MAST4: variants seen among roughly 807,000 people sequenced by gnomAD.
MAST4 encodes microtubule associated serine/threonine kinase family member 4.
Under a neutral mutation model 162.7 loss-of-function variants are expected in MAST4, and 89 were observed. The ratio of observed to expected loss-of-function variants is 0.55; its 90% confidence interval spans 0.46 to 0.65. MAST4 has a LOEUF of 0.65. MAST4 is among the 30% of genes least tolerant of loss of function. The probability of loss-of-function intolerance (pLI) is 0.00; values close to 1 mark genes in which losing one functional copy is unlikely to be tolerated. For synonymous variants in MAST4, 1,479 were observed against 1,361.1 expected, an observed-to-expected ratio of 1.09 and a Z score of -1.91; for missense variants, 3,153 against 3,374.0, an observed-to-expected ratio of 0.93 and a Z score of 1.62.
chr5:66,788,530 T>C, intron 2 of MAST4, 140 bp from the exon 3 acceptor site: 1 of 1,113,446 alleles, frequency 9.0e-7, no homozygotes, highest in Non-Finnish European at 1.3e-6. Context: ...CCCAGGTTGC[T>C]ATTAATGTTA....
chr5:66,954,501 T>C (rs1430917225), intron 4 of MAST4, among the ~76,000 whole-genome samples: 8 of 152,108 alleles, frequency 5.3e-5, no homozygotes, highest in African/African-American at 1.7e-4. Context: ...GCACTGGGAT[T>C]AAACAGCTAT....
chr5:66,952,765 C>T (rs781253297), intron 4 of MAST4, among the ~76,000 whole-genome samples: 1 of 152,200 alleles, frequency 6.6e-6, no homozygotes, highest in Non-Finnish European at 1.5e-5. Context: ...GCCTGCAGCA[C>T]TCTTTCCCCG....
At chr5:66,665,975 G>A (rs1043540273) in intron 1 of MAST4, among the ~76,000 whole-genome samples, 5 of 152,308 alleles carry the variant, frequency 3.3e-5, no homozygotes, top group South Asian at 2.1e-4. Context: ...TTGAATGTAC[G>A]TTAGAGCCCC....
intron 4 of MAST4, chr5:67,004,775 G>T: frequency 1.9e-6 from 1 of 519,966 alleles, no homozygotes; most frequent in East Asian, 3.3e-5. Flanking sequence ...TTTGAGAGGA[G>T]GCTGTGTGTT....
Position 66,639,426 on chromosome 5 carries a change from T to C in MAST4, c.363+42408T>C, listed in dbSNP as rs1745341771. 2.0e-5 allele frequency among the ~76,000 whole-genome samples: 3 copies of C among 152,298 alleles called. No homozygotes were observed. In the South Asian group the frequency reaches 6.2e-4, roughly 32 times the overall value. ...ATTTGATTTTTGGAATTAAGTGTTT[T>C]ACATAATTGTAAAGCAAAATTAAGA... On this transcript the variant is annotated intron_variant, in intron 1 of 28. Transcript: ENST00000403625.
chr5:66,969,946 T>C (rs1011192119), intron 4 of MAST4, among the ~76,000 whole-genome samples: 2 of 152,182 alleles, frequency 1.3e-5, no homozygotes, highest in African/African-American at 4.8e-5. Context: ...AGACACCAGT[T>C]CCTGTGCTTT....
At chr5:66,641,486 T>A (rs1561231780) in intron 1 of MAST4, among the ~76,000 whole-genome samples, 1 of 152,210 alleles carries the variant, frequency 6.6e-6, no homozygotes, top group Non-Finnish European at 1.5e-5. Flanking sequence ...TGTATTTTCT[T>A]GTTCCTCCAC....
chr5:67,025,603 G>T (rs1011281307), intron 4 of MAST4, among the ~76,000 whole-genome samples: 1 of 152,110 alleles, frequency 6.6e-6, no homozygotes, highest in African/African-American at 2.4e-5. Flanking sequence ...TCTGGAGTTT[G>T]TTATGAAACT....
chr5:66,732,991 C>T (rs1293218598), intron 1 of MAST4, among the ~76,000 whole-genome samples: 3 of 152,174 alleles, frequency 2.0e-5, no homozygotes, highest in Non-Finnish European at 4.4e-5. Context: ...CCTCCTTTTT[C>T]TCAGCATCAT....
intron 4 of MAST4, among the ~76,000 whole-genome samples, chr5:66,994,483 T>C (rs1244131496): frequency 8.1e-6 from 1 of 123,118 alleles, no homozygotes; most frequent in African/African-American, 2.6e-5. Context: ...ATTCATTCAT[T>C]TGTCACTCAC....
rs139950026 is a variant in MAST4, at chr5:66,644,521, G to A, written c.363+47503G>A. Among the ~76,000 whole-genome samples, 744 of 152,272 alleles carry A rather than the reference G, an allele frequency of 4.9e-3. 4 individuals are homozygous for A. In the Middle Eastern group the frequency reaches 0.058, roughly 12 times the overall value. ...TAGTTTAGAGATTGAATTTCCCTGAGACAGGTACCTACACCTTGTGGAATT... is the reference window on the plus strand; with the variant it reads ...TAGTTTAGAGATTGAATTTCCCTGAAACAGGTACCTACACCTTGTGGAATT... On this transcript the variant is annotated intron_variant, in intron 1 of 28. Transcript: ENST00000403625.
At chr5:66,614,217 G>A (rs1328164200) in intron 1 of MAST4, among the ~76,000 whole-genome samples, 1 of 152,204 alleles carries the variant, frequency 6.6e-6, no homozygotes, top group Non-Finnish European at 1.5e-5. Flanking sequence ...AAATAACTAT[G>A]AAAGCAGTCC....
Position 66,624,283 on chromosome 5 carries a change from G to A in MAST4, c.363+27265G>A, listed in dbSNP as rs141869957. Among the ~76,000 whole-genome samples the A allele has an allele frequency of 8.8e-3, 1,320 of 149,480 alleles. 22 individuals are homozygous for A. Among genetic ancestry groups the A allele is most frequent in the African/African-American group, 0.031 (1,255 of 40,320 alleles). ...TTCTCTTGCCTCAGCCTCCCCAGCA[G>A]CTGGGACTACAGGTGCATGCTGCCA... On this transcript the variant is annotated intron_variant, in intron 1 of 28. Transcript: ENST00000403625.
chr5:66,883,436 T>G (rs930776910), intron 3 of MAST4, among the ~76,000 whole-genome samples: 2 of 149,204 alleles, frequency 1.3e-5, no homozygotes, highest in South Asian at 2.1e-4. Context: ...TTTTTTTTTT[T>G]TTTTTTTTTT....
chr5:66,702,903 A>G (rs986529773), intron 1 of MAST4, among the ~76,000 whole-genome samples: 1 of 152,292 alleles, frequency 6.6e-6, no homozygotes, highest in South Asian at 2.1e-4. Context: ...AATAGACCAC[A>G]GGAAAGTTGG....
At chr5:67,078,951 T>TATATATATA (rs1762275516) in intron 5 of MAST4, among the ~76,000 whole-genome samples, 1 of 95,906 alleles carries the variant, frequency 1.0e-5, no homozygotes, top group Non-Finnish European at 1.8e-5. Context: ...TATATATATA[T>TATATATATA]GGCAATCTGA....
At chr5:67,060,884 A>G (rs1759488156) in intron 5 of MAST4, among the ~76,000 whole-genome samples, 1 of 152,174 alleles carries the variant, frequency 6.6e-6, no homozygotes, top group South Asian at 2.1e-4. Flanking sequence ...TTTGGCACAT[A>G]ATGCCAACCA....
At chr5:67,142,748 T>G (rs1770553949) in intron 21 of MAST4, 1 of 443,712 alleles carries the variant, frequency 2.3e-6, no homozygotes, top group South Asian at 4.2e-5. Flanking sequence ...CTCTCTTTCC[T>G]GTGAGACAAC....
Position 66,762,449 on chromosome 5 carries a change from G to T in MAST4, c.517+2587G>T, listed in dbSNP as rs187802200. ...TGTGCATAACTAATTGAATTTGGGG[G>T]GATTTGGAGTTGATGGGTGGCATGG... On this transcript the variant is annotated intron_variant, in intron 2 of 28. Coordinates refer to ENST00000403625, the MANE Select transcript of MAST4 (RefSeq NM_001164664.2). Among the ~76,000 whole-genome samples the T allele has an allele frequency of 4.6e-5, 7 of 152,276 alleles. No homozygotes were observed. The East Asian group carries it at 1.3e-3, about 29-fold the overall frequency.
Sources: gnomAD v4.1 joint callset for allele counts (sites outside exome capture counted in the v4.1 genomes callset) on GRCh38, gnomAD v4.1.1 for gene constraint, MANE v1.5 for transcripts, NCBI Gene and HGNC (gene_info 2026-07-23, HGNC 2026-07-21) for gene names.